The following LPIN1 variants were observed in gnomAD, a reference collection of about 807,000 sequenced individuals.
The protein encoded by LPIN1 is phosphatidate phosphatase LPIN1.
In LPIN1, 71 loss-of-function variants were observed where a neutral mutation model predicts 107.5. The observed-to-expected ratio is 0.66, with a 90% CI of 0.55 to 0.80. The LOEUF is 0.80. LPIN1 is among the 30% of genes least tolerant of loss of function. The pLI, the probability that LPIN1 is intolerant of heterozygous loss-of-function variation, is 0.00. For missense variants in LPIN1, 1,043 were observed against 1,160.6 expected, an observed-to-expected ratio of 0.90 and a Z score of 1.47; for synonymous variants, 445 against 452.6, an observed-to-expected ratio of 0.98 and a Z score of 0.21.
intron 1 of LPIN1, among the ~76,000 whole-genome samples, chr2:11,693,182 T>C (rs1662356773): frequency 1.3e-5 from 2 of 150,726 alleles, no homozygotes; most frequent in Non-Finnish European, 1.5e-5. Flanking sequence ...TCCAAAGGTC[T>C]GTCAGAATCA....
chr2:11,755,723 CTTT>C (rs1297191152), intron 1 of LPIN1, among the ~76,000 whole-genome samples: 7 of 138,232 alleles, frequency 5.1e-5, no homozygotes, highest in East Asian at 2.1e-4. Flanking sequence ...ACACTTAGTT[CTTT>C]TTTTTTTTTT....
At chr2:11,739,502 G>C (rs1409841240) in intron 1 of LPIN1, among the ~76,000 whole-genome samples, 1 of 152,234 alleles carries the variant, frequency 6.6e-6, no homozygotes, top group Non-Finnish European at 1.5e-5. Context: ...ACATCGAGGA[G>C]AAAAGTAGAA....
At chr2:11,783,730 A>G (rs1673964800) in intron 8 of LPIN1, 99 bp from the exon 9 acceptor site, 34 of 1,008,642 alleles carry the variant, frequency 3.4e-5, no homozygotes, top group Non-Finnish European at 5.4e-5. Flanking sequence ...CCTGGGAGCA[A>G]ATCTGCACAT....
intron 1 of LPIN1, among the ~76,000 whole-genome samples, chr2:11,737,436 A>G (rs1665897217): frequency 1.3e-5 from 2 of 152,228 alleles, no homozygotes; most frequent in Admixed American, 1.3e-4. Context: ...CTAGCATCAG[A>G]GTGAACAGGC....
chr2:11,800,758 A>C lies in LPIN1; in HGVS notation c.1887-2149A>C, dbSNP rs557543698. ...AGCACTGAGAGGAGAGAGTTTATTG[A>C]GATAAAAAGATAAAGACAATCCTGG... is the stretch of plus-strand genomic sequence containing the variant. On this transcript the variant is annotated intron_variant, in intron 14 of 20. Coordinates refer to ENST00000674199, the MANE Select transcript of LPIN1 (RefSeq NM_001349206.2). 1.6e-4 allele frequency among the ~76,000 whole-genome samples: 24 copies of C among 152,268 alleles called. No individual in the cohort carries two copies. In the South Asian group the frequency reaches 5.0e-3, roughly 32 times the overall value.
Position 11,820,412 on chromosome 2 carries a change from A to G in LPIN1, c.2519A>G (p.Asp840Gly). ...FYAAFGNRPA[D>G]VYSYKQVGVS... ...TTAAATCACCTTTACCAAATATAGGATGTGTATTCATACAAGCAAGTAGGA... is the reference window on the plus strand; with the variant it reads ...TTAAATCACCTTTACCAAATATAGGGTGTGTATTCATACAAGCAAGTAGGA... Residue 840 changes from aspartate to glycine, a missense_variant and splice_region_variant, in exon 20 of 21, where the codon GAT becomes GGT. Coordinates refer to ENST00000674199, the MANE Select transcript of LPIN1 (RefSeq NM_001349206.2). The G allele has an allele frequency of 6.3e-7, 1 of 1,579,546 alleles. No individual in the cohort carries two copies. Among genetic ancestry groups the G allele is most frequent in the Non-Finnish European group, 8.7e-7 (1 of 1,148,478 alleles).
At chr2:11,797,834 G>C (rs532188167) in intron 14 of LPIN1, among the ~76,000 whole-genome samples, 119 of 152,326 alleles carry the variant, frequency 7.8e-4, no homozygotes, top group African/African-American at 2.8e-3. Flanking sequence ...AGGCATGTTT[G>C]ATTTTGAAAT....
At chr2:11,712,752 T>C (rs1663495171) in intron 1 of LPIN1, among the ~76,000 whole-genome samples, 1 of 152,186 alleles carries the variant, frequency 6.6e-6, no homozygotes, top group African/African-American at 2.4e-5. Flanking sequence ...AGAGCACACA[T>C]GTTTTTGAGT....
intron 9 of LPIN1, 101 bp from the exon 10 acceptor site, chr2:11,784,785 G>A: frequency 2.8e-6 from 3 of 1,075,652 alleles, no homozygotes; most frequent in Non-Finnish European, 4.4e-6. Context: ...GCCGTCTGCG[G>A]CTCTGAGGGT....
At chr2:11,788,504 A>G (rs1192994257) in intron 12 of LPIN1, 48 bp downstream of exon 12, 17 of 1,384,678 alleles carry the variant, frequency 1.2e-5, no homozygotes, top group Non-Finnish European at 1.8e-5. Context: ...AATGATGGGT[A>G]GCTTAATCTG....
At chr2:11,687,101 G>T (rs1662049451) in intron 1 of LPIN1, among the ~76,000 whole-genome samples, 1 of 147,818 alleles carries the variant, frequency 6.8e-6, no homozygotes. Flanking sequence ...GGGCTCAAGT[G>T]GTCCTCCCAC....
chr2:11,792,253 C>T lies in LPIN1; in HGVS notation c.1806+247C>T, dbSNP rs528252606. 1.1e-5 allele frequency: 5 copies of T among 453,492 alleles called. No homozygotes were observed. In the East Asian group the frequency reaches 1.2e-4, roughly 11 times the overall value. 28.1% of individuals were successfully genotyped at this position (453,492 alleles called of 1,614,324 possible). The stretch of plus-strand genomic sequence containing the variant: ...AACTGTTGGGAGACTGTGGTCCAGT[C>T]ACTCCCTCATGGTAAGATTTCGTCA... On this transcript the variant is annotated intron_variant, in intron 13 of 20. Coordinates refer to ENST00000674199, the MANE Select transcript of LPIN1 (RefSeq NM_001349206.2).
intron 1 of LPIN1, among the ~76,000 whole-genome samples, chr2:11,686,524 A>G (rs1662011570): frequency 6.6e-6 from 1 of 152,104 alleles, no homozygotes; most frequent in South Asian, 2.1e-4. Flanking sequence ...GCCTGTGTGT[A>G]TTGGCCCTGG....
At chr2:11,716,324 A>G (rs183734951) in intron 2 of LPIN1, among the ~76,000 whole-genome samples, 20 of 152,106 alleles carry the variant, frequency 1.3e-4, no homozygotes, top group African/African-American at 2.4e-4. Flanking sequence ...AGGAATGTTT[A>G]GTAATGAGAA....
chr2:11,741,191 T>A (rs183086054), intron 1 of LPIN1: 1 of 561,592 alleles, frequency 1.8e-6, no homozygotes, highest in East Asian at 3.0e-5. Context: ...AGCATCCCCA[T>A]AGAGGGACTG....
intron 7 of LPIN1, among the ~76,000 whole-genome samples, chr2:11,781,368 C>A (rs1011459238): frequency 1.3e-5 from 2 of 152,364 alleles, no homozygotes; most frequent in Middle Eastern, 3.4e-3. Flanking sequence ...TCCATCACTT[C>A]TTCTGGCAAA....
chr2:11,799,320 G>A (rs1677275801), intron 14 of LPIN1, among the ~76,000 whole-genome samples: 1 of 151,858 alleles, frequency 6.6e-6, no homozygotes, highest in Admixed American at 6.6e-5. Context: ...GCCGGCAGAG[G>A]TACACATCAA....
At chr2:11,680,211 G>A (rs1449683182) in intron 1 of LPIN1, among the ~76,000 whole-genome samples, 9 of 151,930 alleles carry the variant, frequency 5.9e-5, no homozygotes, top group Admixed American at 5.9e-4. Context: ...CTTCTGGGAA[G>A]CGTAAAAGTG....
At chr2:11,702,919 G>C (rs4669771) in intron 1 of LPIN1, among the ~76,000 whole-genome samples, 2,794 of 118,164 alleles carry the variant, frequency 0.024, 166 homozygotes, top group Admixed American at 0.14. Context: ...TGAATATCTC[G>C]CACCTTATCT....
Sources: gnomAD v4.1 joint callset for allele counts (sites outside exome capture counted in the v4.1 genomes callset) on GRCh38, gnomAD v4.1.1 for gene constraint, MANE v1.5 for transcripts, NCBI Gene and HGNC (gene_info 2026-07-23, HGNC 2026-07-21) for gene names.